Variants in NSMCE1 observed in about 807,000 individuals in gnomAD.
NSMCE1 encodes NSE1 component of SMC5/6 complex.
In NSMCE1, 18 loss-of-function variants were observed where a neutral mutation model predicts 29.6. That is an observed-to-expected ratio of 0.61 (90% CI 0.42 to 0.90). The LOEUF is 0.90. NSMCE1 is among the 40% of genes least tolerant of loss of function. NSMCE1 has a pLI of 0.00. For missense variants in NSMCE1, 314 were observed against 343.6 expected (o/e 0.91, Z 0.68); for synonymous variants, 124 against 133.4 (o/e 0.93, Z 0.49).
intron 2 of NSMCE1, among the ~76,000 whole-genome samples, chr16:27,256,679 C>G (rs557220523): frequency 6.6e-6 from 1 of 152,108 alleles, no homozygotes; most frequent in East Asian, 1.9e-4. Context: ...TTTCTTCCAC[C>G]ATCTCCAGTT....
rs769074183 is a variant in NSMCE1, at chr16:27,225,243, A to C, written c.722-7T>G. The C allele has an allele frequency of 6.3e-7, 1 of 1,580,812 alleles. No individual in the cohort carries two copies. The highest frequency in any genetic ancestry group is 8.7e-7 in the Non-Finnish European group (1 of 1,154,356). ...TTCTCAGGGTCGAAGACTTCTGTAG[A>C]CAGAAAAGGCAGGAAAGACACAGTG... On this transcript the variant is annotated splice_region_variant and splice_polypyrimidine_tract_variant and intron_variant, in intron 7 of 7. Transcript: ENST00000361439.
At chr16:27,238,929 G>A (rs1329911429) in intron 2 of NSMCE1, among the ~76,000 whole-genome samples, 2 of 151,604 alleles carry the variant, frequency 1.3e-5, no homozygotes, top group African/African-American at 2.4e-5. Flanking sequence ...GAGTGCAGTG[G>A]CACAGTCTCA....
At chr16:27,255,273 C>T (rs1215680849) in intron 2 of NSMCE1, among the ~76,000 whole-genome samples, 3 of 152,180 alleles carry the variant, frequency 2.0e-5, no homozygotes, top group African/African-American at 4.8e-5. Flanking sequence ...TCCTTCTCTG[C>T]TGGTACAACT....
Position 27,257,330 on chromosome 16 carries a change from A to G in NSMCE1, c.136+105T>C, listed in dbSNP as rs1300775579. 23 of 886,498 alleles carry G rather than the reference A, an allele frequency of 2.6e-5. No individual in the cohort carries two copies. The East Asian group carries it at 6.2e-4, about 24-fold the overall frequency. The allele number at this position is 886,498 out of a possible 1,614,324, so 54.9% of individuals were successfully genotyped here. On this transcript the variant is annotated intron_variant, in intron 2 of 7. Transcript: ENST00000361439. ...AGATTGTGAAGAGGCTTGAATGCTC[A>G]GCTCAGGAGTACCGGTTAACAAGTT...
intron 1 of NSMCE1, among the ~76,000 whole-genome samples, chr16:27,261,670 T>A (rs980557030): frequency 2.0e-5 from 3 of 152,262 alleles, no homozygotes; most frequent in East Asian, 3.9e-4. Flanking sequence ...TGTTACACAA[T>A]CGCAGCGCCA....
chr16:27,251,169 T>A (rs187885532), intron 2 of NSMCE1, among the ~76,000 whole-genome samples: 4,637 of 52,540 alleles, frequency 0.088, 119 homozygotes, highest in Middle Eastern at 0.16. Context: ...AATATATATA[T>A]ATATATATAT....
In NSMCE1 at chr16:27,225,711, T is replaced by C; in HGVS notation, c.721+15A>G. 4.3e-6 allele frequency: 7 copies of C among 1,613,868 alleles called. No individual in the cohort carries two copies. The highest frequency in any genetic ancestry group is 5.9e-6 in the Non-Finnish European group (7 of 1,179,948). On this transcript the variant is annotated intron_variant, in intron 7 of 7. Transcript: ENST00000361439. Reference sequence around the variant, plus strand: ...TGGCCCAGCCCCTCCCATGAGCTCCTCAGGGCCCACGCACTTGGGATCTCG... The same window carrying C: ...TGGCCCAGCCCCTCCCATGAGCTCCCCAGGGCCCACGCACTTGGGATCTCG...
In NSMCE1 at chr16:27,232,605, G is replaced by A. The variant is rs552979107; in HGVS notation, c.483+396C>T. 1.3e-5 allele frequency among the ~76,000 whole-genome samples: 2 copies of A among 152,376 alleles called. No homozygotes were observed. The highest frequency in any genetic ancestry group is 2.4e-5 in the African/African-American group (1 of 41,586). On this transcript the variant is annotated intron_variant, in intron 5 of 7. Coordinates refer to ENST00000361439, the MANE Select transcript of NSMCE1 (RefSeq NM_145080.4). The surrounding 1 kb of genome is among the most constrained non-coding windows in gnomAD (Gnocchi z 4.5). ...CACCCAGCCCCGAAGGGGAAACAAC[G>A]ACTCCCCTCTTACAAGGAACATGAG...
At chr16:27,268,157 C>CT (rs2084248719) in intron 1 of NSMCE1, 1 of 152,188 alleles carries the variant, frequency 6.6e-6, no homozygotes, top group African/African-American at 2.4e-5. Context: ...AACATAGGGA[C>CT]TTTACCTTTC....
chr16:27,259,877 A>G (rs947549967), intron 1 of NSMCE1, among the ~76,000 whole-genome samples: 19 of 152,336 alleles, frequency 1.2e-4, no homozygotes, highest in African/African-American at 4.3e-4. Flanking sequence ...CAGTGGAAAC[A>G]TATCTTCTAT....
In NSMCE1 at chr16:27,256,379, T is replaced by G. The variant is rs571151994; in HGVS notation, c.136+1056A>C. ...AACAGGATAAAAGTGAAGGGTCCTG[T>G]GATCTCTGCTGACAGCCCACTCCCA... On this transcript the variant is annotated intron_variant, in intron 2 of 7. Transcript: ENST00000361439. Among the ~76,000 whole-genome samples the G allele has an allele frequency of 4.6e-5, 7 of 152,360 alleles. No individual in the cohort carries two copies. The East Asian group carries it at 9.6e-4, about 21-fold the overall frequency.
chr16:27,252,454 G>A (rs939009634), intron 2 of NSMCE1, among the ~76,000 whole-genome samples: 3 of 152,184 alleles, frequency 2.0e-5, no homozygotes, highest in African/African-American at 7.2e-5. Flanking sequence ...ATTTTTCTTA[G>A]AGTGTGCCAA....
chr16:27,266,399 T>G (rs1465257881), intron 1 of NSMCE1: 2 of 151,558 alleles, frequency 1.3e-5, no homozygotes, highest in African/African-American at 4.9e-5. Context: ...GAGAAGAGAC[T>G]GTAGGGAGAA....
intron 2 of NSMCE1, among the ~76,000 whole-genome samples, chr16:27,248,395 G>A (rs1340425979): frequency 1.5e-5 from 2 of 132,356 alleles, no homozygotes; most frequent in African/African-American, 5.7e-5. Flanking sequence ...GCTCACTGCG[G>A]TTTTAGTTTG....
chr16:27,244,928 T>C (rs1294931553), intron 2 of NSMCE1, among the ~76,000 whole-genome samples: 1 of 152,220 alleles, frequency 6.6e-6, no homozygotes, highest in Non-Finnish European at 1.5e-5. Flanking sequence ...TGACCATGCT[T>C]TGTGAATTTT....
Position 27,232,702 on chromosome 16 carries a change from T to A in NSMCE1, c.483+299A>T, listed in dbSNP as rs189295320. On this transcript the variant is annotated intron_variant, in intron 5 of 7. Transcript: ENST00000361439. The surrounding 1 kb of genome is among the most constrained non-coding windows in gnomAD (Gnocchi z 4.5). ...CTCTCAGCCACGGAACTGCCCTGCC[T>A]TGCAGTCTGTGGGCTAGAGCCTTGA... Among the ~76,000 whole-genome samples, 5 of 152,362 alleles carry A rather than the reference T, an allele frequency of 3.3e-5. No individual in the cohort carries two copies. Among genetic ancestry groups the A allele is most frequent in the Middle Eastern group, 3.4e-3 (1 of 294 alleles).
At chr16:27,229,119 G>A (rs1371896638) in intron 5 of NSMCE1, among the ~76,000 whole-genome samples, 2 of 152,268 alleles carry the variant, frequency 1.3e-5, no homozygotes, top group South Asian at 2.1e-4. Context: ...CCGTCTGCTC[G>A]CCTCGCAATC....
At chr16:27,247,371 C>A (rs1356627724) in intron 2 of NSMCE1, among the ~76,000 whole-genome samples, 2 of 152,224 alleles carry the variant, frequency 1.3e-5, no homozygotes, top group African/African-American at 4.8e-5. Flanking sequence ...TCCCCTTCCA[C>A]CATGACTGTA....
intron 2 of NSMCE1, among the ~76,000 whole-genome samples, chr16:27,245,330 G>A (rs2083944198): frequency 1.3e-5 from 2 of 152,270 alleles, no homozygotes; most frequent in African/African-American, 4.8e-5. Flanking sequence ...AGCGGGGTCT[G>A]TGGTAATCCC....
Sources: gnomAD v4.1 joint callset for allele counts (sites outside exome capture counted in the v4.1 genomes callset) on GRCh38, gnomAD v4.1.1 for gene constraint, Gnocchi (gnomAD v3.1) non-coding constraint, MANE v1.5 for transcripts, NCBI Gene and HGNC (gene_info 2026-07-23, HGNC 2026-07-21) for gene names.